Variants in CACNA1E observed in about 807,000 individuals in gnomAD.
CACNA1E encodes voltage-dependent R-type calcium channel subunit alpha-1E.
In CACNA1E, 40 loss-of-function variants were observed where a neutral mutation model predicts 259.2. That is an observed-to-expected ratio of 0.15 (90% CI 0.12 to 0.20). The LOEUF is 0.20. CACNA1E is among the 10% of genes least tolerant of loss of function. CACNA1E has a pLI of 1.00. For missense variants in CACNA1E, 1,874 were observed against 3,040.1 expected (o/e 0.62, Z 9.02); for synonymous variants, 1,104 against 1,138.5 (o/e 0.97, Z 0.61).
chr1:181,531,010 TA>T (rs1667744218), intron 3 of CACNA1E, among the ~76,000 whole-genome samples: 1 of 152,264 alleles, frequency 6.6e-6, no homozygotes, highest in Non-Finnish European at 1.5e-5. Context: ...AAAGTACATC[TA>T]CATCTATATT....
intron 1 of CACNA1E, among the ~76,000 whole-genome samples, chr1:181,407,754 G>A (rs1657570135): frequency 6.6e-6 from 1 of 152,146 alleles, no homozygotes. Flanking sequence ...AGAGTAGGCG[G>A]GTGAGTATGC....
Position 181,737,609 on chromosome 1 carries a change from C to T in CACNA1E, c.3507C>T (p.Ala1169=). ...TGGTGATTGCAGCCAGCAGCATCGC[C>T]CTGGCGGCAGAGGACCCCGTCCTGA... ...ILLVIAASSI[A]LAAEDPVLTN... The change falls in exon 23 of 48, where the codon GCC becomes GCT. Residue 1169 remains alanine, a synonymous_variant. Coordinates refer to ENST00000367573, the MANE Select transcript of CACNA1E (RefSeq NM_001205293.3). 1 of 1,614,034 alleles carries T rather than the reference C, an allele frequency of 6.2e-7. No homozygotes were observed. Among genetic ancestry groups the T allele is most frequent in the Non-Finnish European group, 8.5e-7 (1 of 1,179,894 alleles).
At chr1:181,668,605 T>C (rs552846105) in intron 7 of CACNA1E, 5 of 152,370 alleles carry the variant, frequency 3.3e-5, no homozygotes, top group African/African-American at 9.6e-5. Flanking sequence ...TTTTACATTC[T>C]TGCTAGCAAT....
chr1:181,465,824 G>A (rs1161624442), intron 2 of CACNA1E, among the ~76,000 whole-genome samples: 1 of 151,834 alleles, frequency 6.6e-6, no homozygotes, highest in Admixed American at 6.6e-5. Flanking sequence ...ATTTCCTTGT[G>A]TGCTTCAAAA....
intron 1 of CACNA1E, among the ~76,000 whole-genome samples, chr1:181,344,502 G>A (rs1652434277): frequency 6.6e-6 from 1 of 152,210 alleles, no homozygotes; most frequent in African/African-American, 2.4e-5. Flanking sequence ...GGTCACCAAG[G>A]AGGAGGCAAG....
At chr1:181,614,437 A>T (rs1655028854) in intron 6 of CACNA1E, among the ~76,000 whole-genome samples, 1 of 152,214 alleles carries the variant, frequency 6.6e-6, no homozygotes. Flanking sequence ...CTCTAAACAC[A>T]GTGAAAACTA....
intron 2 of CACNA1E, among the ~76,000 whole-genome samples, chr1:181,418,327 A>G (rs1398756487): frequency 2.6e-5 from 4 of 151,994 alleles, no homozygotes; most frequent in African/African-American, 7.3e-5. Flanking sequence ...TTCTCCTCCT[A>G]TGTTGTGGGT....
chr1:181,776,784 CTTCTT>C lies in CACNA1E; in HGVS notation c.5267+558_5267+562del, dbSNP rs1331623056. ...AAATGGTAGGAATTGGTGAAGATAA[CTTCTT>C]TACTGTCTCTTTTGCTGTTTAGTAG... On this transcript the variant is annotated intron_variant, in intron 38 of 47. Coordinates refer to ENST00000367573, the MANE Select transcript of CACNA1E (RefSeq NM_001205293.3). This position sits in a 1 kb window ranked among gnomAD's most constrained non-coding sequence, Gnocchi z 4.4. Among the ~76,000 whole-genome samples, 8 of 152,218 alleles carry C rather than the reference CTTCTT, an allele frequency of 5.3e-5. No individual in the cohort carries two copies. Among genetic ancestry groups the C allele is most frequent in the African/African-American group, 1.9e-4 (8 of 41,454 alleles).
chr1:181,793,112 C>T (rs530098412), intron 44 of CACNA1E, among the ~76,000 whole-genome samples: 2 of 152,332 alleles, frequency 1.3e-5, no homozygotes, highest in Non-Finnish European at 2.9e-5. Flanking sequence ...CATCATCCTT[C>T]CATGGGACTG....
intron 2 of CACNA1E, among the ~76,000 whole-genome samples, chr1:181,431,781 GTCT>G (rs568311594): frequency 7.2e-4 from 110 of 152,294 alleles, no homozygotes; most frequent in African/African-American, 2.6e-3. Context: ...TTTTAAAATA[GTCT>G]TCTCCTAAAA....
At chr1:181,506,171 G>C (rs536937008) in intron 1 of CACNA1E, among the ~76,000 whole-genome samples, 1 of 152,346 alleles carries the variant, frequency 6.6e-6, no homozygotes, top group South Asian at 2.1e-4. Flanking sequence ...GATGGTCTTT[G>C]AGGCCGTGGC....
intron 1 of CACNA1E, among the ~76,000 whole-genome samples, chr1:181,372,824 A>G (rs983992984): frequency 5.4e-5 from 7 of 129,438 alleles, no homozygotes; most frequent in African/African-American, 1.9e-4. Context: ...ATATATATAT[A>G]TATATTTTTT....
chr1:181,566,918 G>T (rs1649888918), intron 3 of CACNA1E, among the ~76,000 whole-genome samples: 1 of 152,040 alleles, frequency 6.6e-6, no homozygotes, highest in African/African-American at 2.4e-5. Context: ...AGGTGGGAGG[G>T]GGTTGGCAGG....
chr1:181,684,891 T>TG (rs397732506), intron 7 of CACNA1E, among the ~76,000 whole-genome samples: 14 of 151,012 alleles, frequency 9.3e-5, no homozygotes, highest in Non-Finnish European at 1.9e-4. Flanking sequence ...TTTTTTTTTT[T>TG]GCCTTGTTAG....
chr1:181,554,266 G>A (rs982881400), intron 3 of CACNA1E, among the ~76,000 whole-genome samples: 4 of 152,130 alleles, frequency 2.6e-5, no homozygotes, highest in Non-Finnish European at 5.9e-5. Context: ...TCTCACCTCC[G>A]CTTCCCAAAG....
chr1:181,725,092 A>G (rs917906041), intron 17 of CACNA1E, among the ~76,000 whole-genome samples: 2 of 152,226 alleles, frequency 1.3e-5, no homozygotes, highest in Non-Finnish European at 2.9e-5. Context: ...GGGAGGTAAT[A>G]TTAACAGCAG....
chr1:181,632,057 G>A lies in CACNA1E; in HGVS notation c.952-19281G>A, dbSNP rs1219464139. Among the ~76,000 whole-genome samples, 4 of 152,246 alleles carry A rather than the reference G, an allele frequency of 2.6e-5. 1 individual carries two copies. The highest frequency in any genetic ancestry group is 9.6e-5 in the African/African-American group (4 of 41,526). On this transcript the variant is annotated intron_variant, in intron 6 of 47. Transcript: ENST00000367573. ...TTCTAAAAGAGTTCATCCCAGTGTAGCCCCAAAGACTTCAGACTGAACCAG... is the reference window on the plus strand; with the variant it reads ...TTCTAAAAGAGTTCATCCCAGTGTAACCCCAAAGACTTCAGACTGAACCAG...
At chr1:181,416,598 T>C (rs6687871) in intron 2 of CACNA1E, among the ~76,000 whole-genome samples, 7,708 of 152,252 alleles carry the variant, frequency 0.051, 352 homozygotes, top group African/African-American at 0.12. Flanking sequence ...CACTCTCTTA[T>C]TTCTGCTGGA....
intron 35 of CACNA1E, among the ~76,000 whole-genome samples, chr1:181,768,089 ATTC>A (rs1396123468): frequency 6.6e-6 from 1 of 152,188 alleles, no homozygotes; most frequent in Non-Finnish European, 1.5e-5. Flanking sequence ...AAACATTATA[ATTC>A]TTCTCATCTG....
Sources: gnomAD v4.1 joint callset for allele counts (sites outside exome capture counted in the v4.1 genomes callset) on GRCh38, gnomAD v4.1.1 for gene constraint, Gnocchi (gnomAD v3.1) non-coding constraint, MANE v1.5 for transcripts, NCBI Gene and HGNC (gene_info 2026-07-23, HGNC 2026-07-21) for gene names.